ARHGEF37: variants seen among roughly 807,000 people sequenced by gnomAD.
ARHGEF37 encodes Rho guanine nucleotide exchange factor 37.
A neutral mutation model predicts 71.1 loss-of-function variants in ARHGEF37; 55 were observed. The observed-to-expected ratio is 0.77, with a 90% confidence interval of 0.62 to 0.97. The LOEUF is 0.97. Among genes scored for constraint, ARHGEF37 ranks in the 50% least tolerant of loss-of-function variants. ARHGEF37 has a pLI of 0.00. For synonymous variants in ARHGEF37, 327 were observed against 350.6 expected (o/e 0.93, Z 0.75); for missense variants, 765 against 836.8 (o/e 0.91, Z 1.06).
chr5:149,616,372 A>G (rs1752377471), intron 4 of ARHGEF37, among the ~76,000 whole-genome samples, 195 bp from the exon 5 acceptor site: 1 of 152,212 alleles, frequency 6.6e-6, no homozygotes, highest in South Asian at 2.1e-4. Context: ...TGGGAAACCA[A>G]GGCCCAGAAC....
intron 1 of ARHGEF37, among the ~76,000 whole-genome samples, chr5:149,589,461 G>A (rs964304722): frequency 6.6e-6 from 1 of 152,054 alleles, no homozygotes; most frequent in Non-Finnish European, 1.5e-5. Context: ...CCAAGTAGCT[G>A]GGACTACAGG....
At chr5:149,552,961 T>C (rs1762703297) in intron 1 of ARHGEF37, among the ~76,000 whole-genome samples, 1 of 152,172 alleles carries the variant, frequency 6.6e-6, no homozygotes, top group Non-Finnish European at 1.5e-5. Context: ...GGGAGGAGAC[T>C]TCCCCTGAAG....
intron 1 of ARHGEF37, among the ~76,000 whole-genome samples, chr5:149,567,460 T>G (rs191114690): frequency 1.3e-5 from 2 of 152,338 alleles, no homozygotes; most frequent in Admixed American, 1.3e-4. Flanking sequence ...TGAGACTACA[T>G]AAATATACTG....
chr5:149,580,130 A>G (rs185519093), upstream of ARHGEF37, among the ~76,000 whole-genome samples: 311 of 151,548 alleles, frequency 2.1e-3, no homozygotes, highest in Non-Finnish European at 3.9e-3. Flanking sequence ...GCGTGATCTC[A>G]GCTCACTGCA....
At position 149,620,377 on chromosome 5, in the gene ARHGEF37, C is replaced by T. The variant is rs368910887; in HGVS notation, c.918C>T (p.His306=). 641 of 1,611,866 alleles carry T rather than the reference C, an allele frequency of 4.0e-4. 2 individuals carry two copies. The highest frequency in any genetic ancestry group is 3.8e-3 in the East Asian group (168 of 44,610). ...AGGCTTTCCTCTACTTCAGGCCGCA[C>T]GAATACAATCTGGACATCCCCGAGG... The part of the protein sequence containing the change: ...NLQAFLYFRP[H]EYNLDIPEGP... The change falls in exon 8 of 13, where the codon CAC becomes CAT. Residue 306 remains histidine (H), a synonymous_variant. Transcript: ENST00000333677.
At chr5:149,599,568 G>T (rs934073153) in intron 2 of ARHGEF37, among the ~76,000 whole-genome samples, 5 of 152,134 alleles carry the variant, frequency 3.3e-5, no homozygotes, top group Admixed American at 3.3e-4. Flanking sequence ...AGGATTACAA[G>T]CACATGCCAC....
Position 149,627,103 on chromosome 5 carries a change from G to A in ARHGEF37, c.1492G>A (p.Val498Met). The A allele has an allele frequency of 2.5e-6, 4 of 1,613,884 alleles. No individual in the cohort carries two copies. Among genetic ancestry groups the A allele is most frequent in the Non-Finnish European group, 3.4e-6 (4 of 1,179,896 alleles). ...QPLLPGSERQ[V>M]QALLSRYGPG... Reference sequence around the variant, plus strand: ...GCTCCTTCCAGGGTCTGAACGCCAGGTGCAGGCTCTCCTGAGCAGGTATGG... The same window carrying A: ...GCTCCTTCCAGGGTCTGAACGCCAGATGCAGGCTCTCCTGAGCAGGTATGG... Residue 498 changes from valine (V) to methionine (M), a missense_variant, in exon 11 of 13, where the codon GTG becomes ATG. Coordinates refer to ENST00000333677, the MANE Select transcript of ARHGEF37 (RefSeq NM_001001669.3).
intron 7 of ARHGEF37, among the ~76,000 whole-genome samples, chr5:149,619,569 T>C (rs112280784): frequency 2.0e-5 from 3 of 152,290 alleles, no homozygotes; most frequent in African/African-American, 7.2e-5. Flanking sequence ...GGTGAGAATA[T>C]GGGCCCAGTT....
chr5:149,627,707 C>T (rs954089897), intron 11 of ARHGEF37, among the ~76,000 whole-genome samples: 1 of 152,194 alleles, frequency 6.6e-6, no homozygotes, highest in Non-Finnish European at 1.5e-5. Context: ...ATCATCCTGC[C>T]CACTCCATAC....
intron 1 of ARHGEF37, among the ~76,000 whole-genome samples, chr5:149,559,843 A>G (rs1762806287): frequency 1.3e-5 from 2 of 152,112 alleles, no homozygotes. Context: ...TCTCCCCCCA[A>G]TTTCAAAATC....
At chr5:149,585,549 G>T (rs1267083217) in intron 1 of ARHGEF37, among the ~76,000 whole-genome samples, 1 of 152,124 alleles carries the variant, frequency 6.6e-6, no homozygotes, top group Non-Finnish European at 1.5e-5. Context: ...ACGGATTCTT[G>T]CTCTGTTGCC....
intron 4 of ARHGEF37, among the ~76,000 whole-genome samples, chr5:149,615,544 T>TA (rs1277819331): frequency 6.6e-6 from 1 of 152,174 alleles, no homozygotes; most frequent in Non-Finnish European, 1.5e-5. Context: ...TATGACTTTT[T>TA]ACCCCTAAAT....
chr5:149,555,973 A>T (rs890512311), intron 1 of ARHGEF37, among the ~76,000 whole-genome samples: 1 of 152,166 alleles, frequency 6.6e-6, no homozygotes, highest in East Asian at 1.9e-4. Flanking sequence ...GTTTTAAAAT[A>T]ATAAAAACAA....
intron 1 of ARHGEF37, among the ~76,000 whole-genome samples, chr5:149,558,387 T>A (rs1410093147): frequency 2.0e-5 from 3 of 152,058 alleles, no homozygotes; most frequent in Admixed American, 6.5e-5. Context: ...GCGCCTATAA[T>A]CCCAGCTACT....
intron 1 of ARHGEF37, among the ~76,000 whole-genome samples, chr5:149,562,196 G>A (rs1038214500): frequency 6.6e-6 from 1 of 152,288 alleles, no homozygotes; most frequent in Non-Finnish European, 1.5e-5. Context: ...GAGCCAGGGC[G>A]CTGAGTAGGG....
chr5:149,600,847 C>T (rs995968235), intron 2 of ARHGEF37, among the ~76,000 whole-genome samples: 3 of 152,112 alleles, frequency 2.0e-5, no homozygotes, highest in African/African-American at 7.2e-5. Flanking sequence ...CCATCTTGGC[C>T]AGGCTGGTCT....
At position 149,632,027 on chromosome 5, in the gene ARHGEF37, A is replaced by G. The variant is rs760282305; in HGVS notation, c.1864A>G (p.Ser622Gly). Residue 622 changes from serine (S) to glycine (G), a missense_variant, in exon 13 of 13, where the codon AGC becomes GGC. By Grantham distance (56) the Ser-to-Gly change is moderately conservative. This residue lies in a region of ARHGEF37 where 390 missense variants were observed against 407.4 expected (regional missense o/e 0.96). Coordinates refer to ENST00000333677, the MANE Select transcript of ARHGEF37 (RefSeq NM_001001669.3). Reference sequence around the variant, plus strand: ...TGTGGCCAGAAGCAGCCATGAAGTGAGCCTGCAGGCAGGCCAGCCTGTGAC... The same window carrying G: ...TGTGGCCAGAAGCAGCCATGAAGTGGGCCTGCAGGCAGGCCAGCCTGTGAC... Reference protein sequence around the residue: ...PFVARSSHEVSLQAGQPVTIL... With the variant: ...PFVARSSHEVGLQAGQPVTIL... 9 of 1,614,240 alleles carry G rather than the reference A, an allele frequency of 5.6e-6. No individual in the cohort carries two copies. In the South Asian group the frequency reaches 9.9e-5, roughly 18 times the overall value.
chr5:149,582,195 G>T (rs1224243140), intron 1 of ARHGEF37, among the ~76,000 whole-genome samples: 1 of 152,226 alleles, frequency 6.6e-6, no homozygotes, highest in African/African-American at 2.4e-5. Flanking sequence ...GCCTGCCCAG[G>T]CACTGGTTCT....
At chr5:149,612,161 A>G (rs1752207439) in intron 4 of ARHGEF37, among the ~76,000 whole-genome samples, 1 of 145,230 alleles carries the variant, frequency 6.9e-6, no homozygotes, top group South Asian at 2.2e-4. Context: ...GACAGTGACA[A>G]TAAACCTGAC....
Sources: allele counts gnomAD v4.1 joint callset (sites outside exome capture counted in the v4.1 genomes callset), GRCh38; gene constraint gnomAD v4.1.1; regional missense constraint gnomAD v4.1.1; transcripts MANE v1.5; gene names NCBI Gene and HGNC (gene_info 2026-07-23, HGNC 2026-07-21).